MYLK4: variants seen among roughly 807,000 people sequenced by gnomAD.
MYLK4 encodes the protein caMLCK like.
In MYLK4, 46 loss-of-function variants were observed where a neutral mutation model predicts 48.1. The ratio of observed to expected loss-of-function variants is 0.96; its 90% CI spans 0.75 to 1.22. The LOEUF is 1.22. Among genes scored for constraint, MYLK4 ranks in the 50% most tolerant of loss-of-function variants. The pLI, the probability that MYLK4 is intolerant of heterozygous loss-of-function variation, is 0.00. For synonymous variants in MYLK4, 170 were observed against 180.8 expected (o/e 0.94, Z 0.48); for missense variants, 451 against 486.1 (o/e 0.93, Z 0.68).
In MYLK4 at chr6:2,670,204, A is replaced by T. The variant is rs557005604; in HGVS notation, c.*25+1072T>A. Among the ~76,000 whole-genome samples, 18 of 152,202 alleles carry T rather than the reference A, an allele frequency of 1.2e-4. No homozygotes were observed. In the Middle Eastern group the frequency reaches 0.017, roughly 144 times the overall value. On this transcript the variant is annotated intron_variant, in intron 12 of 12. Coordinates refer to ENST00000274643, the MANE Select transcript of MYLK4 (RefSeq NM_001012418.5). ...AACATGGTGAAACCCCATCTCTACT[A>T]AAAATACAAAACTTAGCCTGGCGTG...
chr6:2,751,012 T>C (rs1460082021), upstream of MYLK4: 1 of 152,622 alleles, frequency 6.6e-6, no homozygotes, highest in Non-Finnish European at 1.5e-5. Flanking sequence ...GGGAAGAATA[T>C]TAATTTTAGA....
intron 1 of MYLK4, among the ~76,000 whole-genome samples, chr6:2,749,824 C>T (rs903965745): frequency 6.6e-6 from 1 of 152,132 alleles, no homozygotes; most frequent in African/African-American, 2.4e-5. Context: ...GCAGAGGGAT[C>T]GCTCCCGAAT....
intron 2 of MYLK4, among the ~76,000 whole-genome samples, chr6:2,715,831 G>A (rs1762846416): frequency 6.6e-6 from 1 of 152,216 alleles, no homozygotes; most frequent in African/African-American, 2.4e-5. Context: ...GAGATGAAAT[G>A]TTTGCATAGT....
At chr6:2,765,819 C>T in the MYLK4 span, 2 of 1,354,952 alleles carry the variant, frequency 1.5e-6, no homozygotes, top group South Asian at 1.8e-5. Context: ...GGGCCCTCGC[C>T]GCCCGGCGCC....
chr6:2,749,458 C>G (rs769676900), intron 1 of MYLK4, 52 bp from the exon 2 acceptor site: 32 of 495,124 alleles, frequency 6.5e-5, no homozygotes, highest in Non-Finnish European at 1.1e-4. Context: ...ATGCATTTGA[C>G]TTCTTGAGAA....
At chr6:2,768,646 G>A in the MYLK4 span, 1 of 1,526,562 alleles carries the variant, frequency 6.6e-7, no homozygotes, top group Non-Finnish European at 8.8e-7. Flanking sequence ...TGGTCTCTCT[G>A]TGTCTTACCA....
At chr6:2,763,603 G>GAC in the MYLK4 span, among the ~76,000 whole-genome samples, 4 of 152,252 alleles carry the variant, frequency 2.6e-5, no homozygotes, top group Non-Finnish European at 4.4e-5. Context: ...AACTCGCGCT[G>GAC]GCCCGCAAGC....
chr6:2,748,274 G>A (rs563563478), intron 2 of MYLK4, among the ~76,000 whole-genome samples: 2 of 152,314 alleles, frequency 1.3e-5, no homozygotes, highest in African/African-American at 2.4e-5. Context: ...TACTAGGAAA[G>A]CAACTGAGGA....
intron 2 of MYLK4, among the ~76,000 whole-genome samples, chr6:2,703,665 C>CTTTTTTTTTTTTTTTTTTT (rs3055234): frequency 1.1e-5 from 1 of 95,152 alleles, no homozygotes; most frequent in African/African-American, 4.1e-5. Context: ...TTTGTGAATT[C>CTTTTTTTTTTTTTTTTTTT]TTTTTTTTTT....
chr6:2,695,017 T>G (rs777401098), intron 2 of MYLK4, among the ~76,000 whole-genome samples: 13 of 152,178 alleles, frequency 8.5e-5, no homozygotes, highest in Non-Finnish European at 1.8e-4. Context: ...GAGAAGGTCA[T>G]AAATCAAAAA....
chr6:2,758,358 A>G, the MYLK4 span, among the ~76,000 whole-genome samples: 1 of 151,010 alleles, frequency 6.6e-6, no homozygotes, highest in Non-Finnish European at 1.5e-5. Flanking sequence ...TATATATTAC[A>G]TATGTATATA....
chr6:2,770,132 C>A, the MYLK4 span: 1 of 1,614,236 alleles, frequency 6.2e-7, no homozygotes, highest in South Asian at 1.1e-5. Context: ...CACTTTCCTT[C>A]CTCACGTGGA....
At chr6:2,683,724 G>A (rs939400720) in intron 6 of MYLK4, among the ~76,000 whole-genome samples, 3 of 152,080 alleles carry the variant, frequency 2.0e-5, no homozygotes, top group Non-Finnish European at 4.4e-5. Flanking sequence ...GGCCCTCAAA[G>A]CCCCTTTATT....
At chr6:2,751,889 C>T (rs1269225726), upstream of MYLK4, among the ~76,000 whole-genome samples, 2 of 152,138 alleles carry the variant, frequency 1.3e-5, no homozygotes, top group African/African-American at 2.4e-5. Context: ...GAGCTTTGTT[C>T]TTCAGCAAAA....
chr6:2,752,883 G>C (rs1267058604), upstream of MYLK4, among the ~76,000 whole-genome samples: 1 of 152,172 alleles, frequency 6.6e-6, no homozygotes, highest in East Asian at 1.9e-4. Flanking sequence ...GCATCACACT[G>C]TTCCCAGCTT....
chr6:2,743,855 G>A lies in MYLK4; in HGVS notation c.159+5281C>T, dbSNP rs527659452. The A allele has an allele frequency of 2.5e-5, 10 of 398,280 alleles. No individual in the cohort carries two copies. The East Asian group carries it at 3.2e-4, about 13-fold the overall frequency. The allele number at this position is 398,280 out of a possible 1,614,324, so 24.7% of individuals were successfully genotyped here. On this transcript the variant is annotated intron_variant, in intron 2 of 12. Coordinates refer to ENST00000274643, the MANE Select transcript of MYLK4 (RefSeq NM_001012418.5). ...CGTCACTCCCAGGTTGGAAACATTC[G>A]AACAAAATGAATCTGTCTTAGATAA...
intron 2 of MYLK4, 55 bp from the exon 3 acceptor site, chr6:2,692,914 C>T: frequency 6.7e-7 from 1 of 1,482,888 alleles, no homozygotes; most frequent in Non-Finnish European, 9.3e-7. Flanking sequence ...GGCTTTTCAA[C>T]CTCAGCACTC....
chr6:2,766,432 G>C, the MYLK4 span: 1 of 1,565,882 alleles, frequency 6.4e-7, no homozygotes, highest in Admixed American at 1.8e-5. Context: ...GGGGGCCGCC[G>C]GGCTGCGGCA....
the MYLK4 span, among the ~76,000 whole-genome samples, chr6:2,767,064 G>A: frequency 6.6e-6 from 1 of 152,038 alleles, no homozygotes; most frequent in Non-Finnish European, 1.5e-5. Context: ...ATTTTCATCC[G>A]GTATTTCCGT....
Sources: gnomAD v4.1 joint callset for allele counts (sites outside exome capture counted in the v4.1 genomes callset) on GRCh38, gnomAD v4.1.1 for gene constraint, MANE v1.5 for transcripts, NCBI Gene and HGNC (gene_info 2026-07-23, HGNC 2026-07-21) for gene names.